The following GAK variants were observed in gnomAD, a reference collection of about 807,000 sequenced individuals.
GAK encodes the protein cyclin G associated kinase, also known as cyclin-G-associated kinase.
A neutral mutation model predicts 143.9 loss-of-function variants in GAK; 79 were observed. The ratio of observed to expected loss-of-function variants is 0.55; its 90% CI spans 0.46 to 0.66. The LOEUF is 0.66. Among genes scored for constraint, GAK ranks in the 30% least tolerant of loss-of-function variants. The pLI is 0.00. For missense variants in GAK, 1,693 were observed against 1,779.7 expected (o/e 0.95, Z 0.88); for synonymous variants, 881 against 765.5 (o/e 1.15, Z -2.49).
In GAK at chr4:859,566, G is replaced by A. The variant is rs774067324; in HGVS notation, c.3283+40C>T. On this transcript the variant is annotated intron_variant, in intron 24 of 27. Coordinates refer to ENST00000314167, the MANE Select transcript of GAK (RefSeq NM_005255.4). ...ATAGACGAGAATAAACCTCCTACAA[G>A]GAAACAGCTTCCACACCCCCAAAGT... 3.2e-6 allele frequency: 5 copies of A among 1,586,966 alleles called. No homozygotes were observed. In the East Asian group the frequency reaches 6.8e-5, roughly 22 times the overall value.
intron 17 of GAK, 108 bp from the exon 18 acceptor site, chr4:876,717 G>A: frequency 9.5e-6 from 9 of 948,616 alleles, no homozygotes; most frequent in Non-Finnish European, 1.0e-5. Flanking sequence ...TCATGGTGCT[G>A]GAGGCATGGA....
At chr4:888,707 G>T in intron 11 of GAK, 140 bp downstream of exon 11, 3 of 967,382 alleles carry the variant, frequency 3.1e-6, no homozygotes, top group Admixed American at 2.7e-5. Context: ...TGGGAGAAGC[G>T]GGTGATGCTG....
intron 1 of GAK, among the ~76,000 whole-genome samples, chr4:923,880 G>A (rs1724271571): frequency 6.6e-6 from 1 of 151,624 alleles, no homozygotes; most frequent in African/African-American, 2.4e-5. Flanking sequence ...GAAACTCCCT[G>A]CCCAATAAAA....
rs2306242 is a variant in GAK at position 849,932 on chromosome 4, T to C, written c.3794A>G (p.Lys1265Arg). The C allele has an allele frequency of 0.041, 65,346 of 1,603,568 alleles. 1,694 individuals carry two copies. Among genetic ancestry groups the C allele is most frequent in the East Asian group, 0.13 (5,667 of 44,452 alleles). ...ADLVAPEQVK[K>R]HYRRAVLAVH... The stretch of plus-strand genomic sequence containing the variant: ...AGCCAGCACCGCGCGGCGATAGTGC[T>C]TCTTCACTTGCTCCGGAGCCACCAG... Residue 1265 changes from lysine to arginine, a missense_variant, in exon 27 of 28, where the codon AAG becomes AGG. Lys to Arg is a conservative substitution (Grantham distance 26, BLOSUM62 2). This residue lies in a region of GAK where 822 missense variants were observed against 788.7 expected (regional missense o/e 1.04). Coordinates refer to ENST00000314167, the MANE Select transcript of GAK (RefSeq NM_005255.4).
chr4:873,980 G>A (rs1713266127), intron 18 of GAK, among the ~76,000 whole-genome samples: 1 of 152,126 alleles, frequency 6.6e-6, no homozygotes, highest in South Asian at 2.1e-4. Flanking sequence ...TCTCTACGTT[G>A]TTCTGGCGAA....
rs186472881 is a variant in GAK, at chr4:922,373, C to T, written c.146-8705G>A. Among the ~76,000 whole-genome samples, 11 of 151,976 alleles carry T rather than the reference C, an allele frequency of 7.2e-5. No individual in the cohort carries two copies. The East Asian group carries it at 1.2e-3, about 16-fold the overall frequency. ...CTACTAAAAATACAAAAATCAGCGGCGCATGGTGGTGGGCGCCTGTAGTCC... is the reference window on the plus strand; with the variant it reads ...CTACTAAAAATACAAAAATCAGCGGTGCATGGTGGTGGGCGCCTGTAGTCC... On this transcript the variant is annotated intron_variant, in intron 1 of 27. Coordinates refer to ENST00000314167, the MANE Select transcript of GAK (RefSeq NM_005255.4).
Position 904,647 on chromosome 4 carries a change from C to T in GAK, c.515G>A (p.Arg172Lys). ...MHRQKPPIIH[R>K]DLKVENLLLS... ...GGAGGGAGCCACTACCTTGAGGTCCCTGTGGATGATGGGCGGCTTCTGCCG... is the reference window on the plus strand; with the variant it reads ...GGAGGGAGCCACTACCTTGAGGTCCTTGTGGATGATGGGCGGCTTCTGCCG... Residue 172 changes from arginine (R) to lysine (K), a missense_variant, in exon 5 of 28, where the codon AGG (arginine) becomes AAG (lysine). By Grantham distance (26) the Arg-to-Lys change is conservative. This residue lies in a region of GAK where 871 missense variants were observed against 991.0 expected (regional missense o/e 0.88). Transcript: ENST00000314167. The T allele has an allele frequency of 6.3e-7, 1 of 1,595,882 alleles. No homozygotes were observed. Among genetic ancestry groups the T allele is most frequent in the Middle Eastern group, 1.8e-4 (1 of 5,686 alleles).
At chr4:903,268 C>T (rs1205803209) in intron 5 of GAK, among the ~76,000 whole-genome samples, 8 of 152,368 alleles carry the variant, frequency 5.3e-5, no homozygotes, top group Admixed American at 6.5e-5. Flanking sequence ...CCACATCACG[C>T]CAACCCCGGG....
intron 11 of GAK, chr4:884,317 G>A (rs41286655): frequency 0.026 from 13,908 of 539,312 alleles, 271 homozygotes; most frequent in Middle Eastern, 0.055. Flanking sequence ...CCTGCAGCTG[G>A]TGGAGGCATG....
intron 4 of GAK, among the ~76,000 whole-genome samples, chr4:906,331 T>C (rs1300299761): frequency 3.3e-5 from 5 of 152,194 alleles, no homozygotes; most frequent in Admixed American, 2.6e-4. Flanking sequence ...CAAATGATCA[T>C]TCTCACATTC....
intron 5 of GAK, among the ~76,000 whole-genome samples, chr4:899,655 C>T (rs954324812): frequency 1.3e-5 from 2 of 152,234 alleles, no homozygotes; most frequent in African/African-American, 4.8e-5. Flanking sequence ...GAGCAGCACC[C>T]GCCATGCCCC....
intron 11 of GAK, 84 bp from the exon 12 acceptor site, chr4:884,170 T>C: frequency 8.0e-7 from 1 of 1,250,700 alleles, no homozygotes; most frequent in African/African-American, 1.5e-5. Context: ...GCCCGAGGCC[T>C]GGAGAAGCCG....
chr4:881,780 C>T (rs1169687804), intron 15 of GAK, 127 bp downstream of exon 15: 13 of 1,198,888 alleles, frequency 1.1e-5, no homozygotes, highest in South Asian at 6.7e-5. Context: ...TCCGCGAGGC[C>T]GGGCCTGCCT....
rs777108426 is a variant in GAK at position 851,809 on chromosome 4, G to A, written c.3449C>T (p.Ala1150Val). 2.6e-5 allele frequency: 42 copies of A among 1,612,180 alleles called. No homozygotes were observed. The Admixed American group carries it at 3.0e-4, about 12-fold the overall frequency. ...KACTQPRPNY[A>V]SNFSVIGARE... is the part of the protein sequence containing the mutation. ...CGCCCCGATCACACTGAAGTTCGAG[G>A]CATAGTTAGGCCTTGGCTGTGTGCA... Residue 1150 changes from alanine to valine, a missense_variant, in exon 25 of 28, where the codon GCC becomes GTC. By Grantham distance (64) the Ala-to-Val change is moderately conservative. This residue lies in a region of GAK where 822 missense variants were observed against 788.7 expected (regional missense o/e 1.04). Coordinates refer to ENST00000314167, the MANE Select transcript of GAK (RefSeq NM_005255.4).
chr4:871,642 G>A (rs73207790), intron 18 of GAK, among the ~76,000 whole-genome samples: 20,602 of 151,582 alleles, frequency 0.14, 1,803 homozygotes, highest in Middle Eastern at 0.3. Flanking sequence ...TCGGCCGTGC[G>A]GGTGGGGAGC....
chr4:866,325 C>T (rs752529733), intron 22 of GAK, 39 bp downstream of exon 22: 41 of 1,595,450 alleles, frequency 2.6e-5, no homozygotes, highest in East Asian at 8.9e-5. Flanking sequence ...CTGAGGGAGG[C>T]GGCCATGGAG....
chr4:861,408 G>A (rs569830410), intron 23 of GAK, among the ~76,000 whole-genome samples: 11 of 152,224 alleles, frequency 7.2e-5, no homozygotes, highest in African/African-American at 2.6e-4. Flanking sequence ...TGGACAACAC[G>A]GACCCCATCT....
chr4:868,621 CG>C lies in GAK; in HGVS notation c.2312del (p.Pro771ArgfsTer49). 1.3e-6 allele frequency: 2 copies of C among 1,580,712 alleles called. No individual in the cohort carries two copies. The highest frequency in any genetic ancestry group is 1.8e-5 in the Admixed American group (1 of 55,236). ...TAQYDAGAGS[P>X]EAEPTDSDSP... ...AGTCAGAGTCTGTGGGTTCGGCTTC[CG>C]GGGACCCTGCCCCAGCATCATACTG... is the stretch of plus-strand genomic sequence containing the variant. On this transcript the variant is annotated frameshift_variant, in exon 20 of 28. Transcript: ENST00000314167. LOFTEE classifies it high-confidence loss of function.
At chr4:893,618 A>C in intron 8 of GAK, 129 bp from the exon 9 acceptor site, 2 of 729,974 alleles carry the variant, frequency 2.7e-6, no homozygotes, top group Non-Finnish European at 4.2e-6. Context: ...AGAAGCAAGA[A>C]GGGAGCGGCA....
Sources: gnomAD v4.1 joint callset for allele counts (sites outside exome capture counted in the v4.1 genomes callset) on GRCh38, gnomAD v4.1.1 for gene constraint, gnomAD v4.1.1 regional missense constraint, MANE v1.5 for transcripts, NCBI Gene and HGNC (gene_info 2026-07-23, HGNC 2026-07-21) for gene names.